Variants in ACVR1 observed in about 807,000 individuals in gnomAD.
The protein encoded by ACVR1 is activin A receptor type 1.
ACVR1 carries 38 observed loss-of-function variants against 57.1 expected under a neutral mutation model. The ratio of observed to expected loss-of-function variants is 0.67; its 90% CI spans 0.51 to 0.87. The LOEUF is 0.87. Ranked by LOEUF, ACVR1 falls within the 40% of genes least tolerant of loss-of-function variation. ACVR1 has a pLI of 0.00. For synonymous variants in ACVR1, 212 were observed against 228.1 expected (o/e 0.93, Z 0.63); for missense variants, 463 against 638.2 (o/e 0.73, Z 2.96).
chr2:157,835,553 T>G (rs890590424), intron 1 of ACVR1, among the ~76,000 whole-genome samples: 1 of 152,242 alleles, frequency 6.6e-6, no homozygotes, highest in African/African-American at 2.4e-5. Flanking sequence ...ATACAGTTCT[T>G]TGACTTGTCT....
intron 9 of ACVR1, among the ~76,000 whole-genome samples, chr2:157,751,941 T>G (rs1685209216): frequency 6.6e-6 from 1 of 152,154 alleles, no homozygotes; most frequent in South Asian, 2.1e-4. Context: ...GATCCTCCCC[T>G]ATACTACCAC....
At chr2:157,787,664 A>T (rs1000485128) in intron 3 of ACVR1, among the ~76,000 whole-genome samples, 9 of 152,180 alleles carry the variant, frequency 5.9e-5, no homozygotes, top group African/African-American at 1.9e-4. Context: ...CCACAGGAAG[A>T]ATGGTTGATT....
At chr2:157,770,653 A>G in intron 6 of ACVR1, 139 bp from the exon 7 acceptor site, 1 of 894,174 alleles carries the variant, frequency 1.1e-6, no homozygotes, top group Non-Finnish European at 1.8e-6. Context: ...TTGGGAATAT[A>G]AATATCACAA....
chr2:157,774,021 A>C, intron 6 of ACVR1, 67 bp downstream of exon 6: 1 of 1,411,936 alleles, frequency 7.1e-7, no homozygotes, highest in Non-Finnish European at 1.0e-6. Flanking sequence ...TCCAAGTTCC[A>C]TCTTTTACTT....
intron 1 of ACVR1, among the ~76,000 whole-genome samples, chr2:157,822,987 G>A (rs756513848): frequency 6.6e-5 from 10 of 152,326 alleles, no homozygotes; most frequent in South Asian, 2.1e-4. Flanking sequence ...AATACCAAGC[G>A]TAGGATATGT....
intron 4 of ACVR1, among the ~76,000 whole-genome samples, chr2:157,778,587 G>A (rs1686386016): frequency 6.6e-6 from 1 of 152,176 alleles, no homozygotes; most frequent in African/African-American, 2.4e-5. Context: ...ATGTATGAAT[G>A]TGAGAGTGCT....
At chr2:157,745,539 T>G (rs1471051473) in intron 9 of ACVR1, among the ~76,000 whole-genome samples, 1 of 152,204 alleles carries the variant, frequency 6.6e-6, no homozygotes, top group Non-Finnish European at 1.5e-5. Context: ...ATGAGGTTAG[T>G]TGACTACTCT....
chr2:157,860,950 C>T (rs1689696798), intron 1 of ACVR1, among the ~76,000 whole-genome samples: 1 of 152,132 alleles, frequency 6.6e-6, no homozygotes, highest in South Asian at 2.1e-4. Context: ...TCTATTGATG[C>T]CATCACTGCT....
In ACVR1 at chr2:157,746,321, ATAT is replaced by A. The variant is rs1448831159; in HGVS notation, c.1265-7754_1265-7752del. Among the ~76,000 whole-genome samples, 3 of 152,316 alleles carry A rather than the reference ATAT, an allele frequency of 2.0e-5. No homozygotes were observed. The South Asian group carries it at 6.2e-4, about 32-fold the overall frequency. ...TAATCACCATAACCCTTTAAAGTAG[ATAT>A]TATTATTTTTTAAATAACGAAACTG... On this transcript the variant is annotated intron_variant, in intron 9 of 10. Transcript: ENST00000434821.
At chr2:157,859,994 T>C (rs183788969) in intron 1 of ACVR1, 12 of 152,274 alleles carry the variant, frequency 7.9e-5, no homozygotes, top group Non-Finnish European at 1.6e-4. Context: ...TGAGGACCTT[T>C]TGAAAAGTCT....
rs374791093 is a variant in ACVR1 at position 157,780,620 on chromosome 2, AG to A, written c.68-21del. ...TCTCATCTGCAAAGGAGAGAAAGGA[AG>A]GGGAAAAAAAAAAAAAAGAGGAATT... On this transcript the variant is annotated intron_variant, in intron 3 of 10. Transcript: ENST00000434821. 22 of 1,337,226 alleles carry A rather than the reference AG, an allele frequency of 1.6e-5. No homozygotes were observed. In the African/African-American group the frequency reaches 2.6e-4, roughly 16 times the overall value. 82.8% of individuals were successfully genotyped at this position (1,337,226 alleles called of 1,614,324 possible).
At chr2:157,809,264 G>A (rs1687664933) in intron 2 of ACVR1, among the ~76,000 whole-genome samples, 1 of 152,060 alleles carries the variant, frequency 6.6e-6, no homozygotes, top group Non-Finnish European at 1.5e-5. Context: ...TTAGTGGTCT[G>A]TCTCCTCTCC....
chr2:157,833,565 A>T (rs182831032), intron 1 of ACVR1, among the ~76,000 whole-genome samples: 3 of 152,218 alleles, frequency 2.0e-5, no homozygotes, highest in Non-Finnish European at 4.4e-5. Context: ...ACACACATAT[A>T]AAAAGGAAAT....
intron 1 of ACVR1, among the ~76,000 whole-genome samples, chr2:157,872,509 A>G (rs1037655892): frequency 6.6e-6 from 1 of 152,248 alleles, no homozygotes; most frequent in African/African-American, 2.4e-5. Context: ...ACCTCACTGC[A>G]GCCCACACTA....
At chr2:157,786,150 G>A (rs773850673) in intron 3 of ACVR1, among the ~76,000 whole-genome samples, 4 of 152,136 alleles carry the variant, frequency 2.6e-5, no homozygotes, top group Non-Finnish European at 5.9e-5. Flanking sequence ...TACTTCCTCA[G>A]AGAAGCCTTT....
At chr2:157,772,172 T>C (rs749433996) in intron 6 of ACVR1, among the ~76,000 whole-genome samples, 2 of 152,212 alleles carry the variant, frequency 1.3e-5, no homozygotes, top group Admixed American at 6.5e-5. Context: ...TGCTTTTAAG[T>C]TGTTAAATGC....
intron 3 of ACVR1, among the ~76,000 whole-genome samples, chr2:157,781,069 C>T (rs1221310496): frequency 1.3e-5 from 2 of 152,148 alleles, no homozygotes; most frequent in African/African-American, 2.4e-5. Context: ...GTACAAATCC[C>T]CATCAACTCG....
chr2:157,820,111 T>C (rs1688111840), intron 1 of ACVR1, among the ~76,000 whole-genome samples: 1 of 152,200 alleles, frequency 6.6e-6, no homozygotes, highest in African/African-American at 2.4e-5. Flanking sequence ...TCAGCTTAAA[T>C]TGAGGCTCAC....
At chr2:157,856,175 A>G (rs1689528644) in intron 1 of ACVR1, among the ~76,000 whole-genome samples, 1 of 152,158 alleles carries the variant, frequency 6.6e-6, no homozygotes, top group Admixed American at 6.5e-5. Flanking sequence ...TCCTGTGGCT[A>G]TAATTAAAGT....
Sources: allele counts gnomAD v4.1 joint callset (sites outside exome capture counted in the v4.1 genomes callset), GRCh38; gene constraint gnomAD v4.1.1; transcripts MANE v1.5; gene names NCBI Gene and HGNC (gene_info 2026-07-23, HGNC 2026-07-21).